IL19: variants seen among roughly 807,000 people sequenced by gnomAD.
The protein encoded by IL19 is interleukin-19.
A neutral mutation model predicts 19.5 loss-of-function variants in IL19; 15 were observed. The observed-to-expected ratio is 0.77, with a 90% CI of 0.52 to 1.19. IL19 has a LOEUF of 1.19. IL19 is among the 50% of genes most tolerant of loss of function. The pLI, the probability that IL19 is intolerant of heterozygous loss-of-function variation, is 0.00. For synonymous variants in IL19, 78 were observed against 78.3 expected (o/e 1.00, Z 0.02); for missense variants, 199 against 213.1 (o/e 0.93, Z 0.41).
intron 2 of IL19, among the ~76,000 whole-genome samples, chr1:206,835,916 G>A (rs1384618721): frequency 1.3e-5 from 2 of 152,256 alleles, no homozygotes; most frequent in African/African-American, 4.8e-5. Flanking sequence ...AAGGGTAAGA[G>A]AATGAGAAGC....
At chr1:206,783,478 C>T (rs569165582) in intron 1 of IL19, among the ~76,000 whole-genome samples, 2 of 152,236 alleles carry the variant, frequency 1.3e-5, no homozygotes, top group African/African-American at 4.8e-5. Flanking sequence ...CCAGCAAGAA[C>T]CTTGAATTCA....
chr1:206,777,644 A>G (rs531908321), intron 1 of IL19, among the ~76,000 whole-genome samples: 2 of 152,322 alleles, frequency 1.3e-5, no homozygotes, highest in South Asian at 4.1e-4. Context: ...GTCAGCCGGC[A>G]GAGAGCAGGC....
At chr1:206,817,973 A>G (rs1676204314) in intron 2 of IL19, among the ~76,000 whole-genome samples, 1 of 152,260 alleles carries the variant, frequency 6.6e-6, no homozygotes, top group East Asian at 1.9e-4. Flanking sequence ...CATGTTGGCC[A>G]GGCTGGTCTC....
chr1:206,830,823 C>T (rs1008024296), intron 2 of IL19, among the ~76,000 whole-genome samples: 3 of 152,190 alleles, frequency 2.0e-5, no homozygotes, highest in Non-Finnish European at 2.9e-5. Context: ...GTGATCCGCC[C>T]GCCTTGGCCT....
rs34133375 is a variant in IL19 at position 206,776,057 on chromosome 1, G to T, written c.-149+4979G>T. On this transcript the variant is annotated intron_variant, in intron 1 of 6. Transcript: ENST00000659997. The stretch of plus-strand genomic sequence containing the variant: ...GGGGGATGTACTGGGAAATCAGAAG[G>T]TTGTGGGAAGGGGAATACCTCTCTT... 1.6e-3 allele frequency among the ~76,000 whole-genome samples: 244 copies of T among 152,306 alleles called. 1 individual carries two copies. The East Asian group carries it at 0.022, about 13-fold the overall frequency.
Position 206,839,849 on chromosome 1 carries a change from G to GA in IL19, c.211-1_211insA (p.Pro71ThrfsTer72). The GA allele has an allele frequency of 6.2e-7, 1 of 1,608,396 alleles. No individual in the cohort carries two copies. Among genetic ancestry groups the GA allele is most frequent in the Non-Finnish European group, 8.5e-7 (1 of 1,176,884 alleles). ...AGTGTTTCCCTAATTTGTGTTTGTA[G>GA]CCCTTAGATGTGTGCTGCGTGACCA... is the stretch of plus-strand genomic sequence containing the variant. On this transcript the variant is annotated frameshift_variant and splice_region_variant. Transcript: ENST00000659997. LOFTEE classifies it high-confidence loss of function.
intron 5 of IL19, chr1:206,840,698 T>C (rs1676983679): frequency 3.3e-6 from 1 of 306,554 alleles, no homozygotes; most frequent in Non-Finnish European, 6.1e-6. Flanking sequence ...ATTTAACAAA[T>C]GTTTGTTGAG....
At chr1:206,789,131 G>T (rs1486177057) in intron 1 of IL19, among the ~76,000 whole-genome samples, 2 of 152,182 alleles carry the variant, frequency 1.3e-5, no homozygotes, top group Admixed American at 1.3e-4. Flanking sequence ...TAGATAGAGA[G>T]GACTGACTGG....
chr1:206,838,630 C>G (rs1375685634), intron 4 of IL19, among the ~76,000 whole-genome samples: 2 of 152,108 alleles, frequency 1.3e-5, no homozygotes, highest in African/African-American at 4.8e-5. Context: ...GAACAGACCC[C>G]CAAATATATG....
At chr1:206,773,663 G>A (rs1674920364) in intron 1 of IL19, among the ~76,000 whole-genome samples, 1 of 151,332 alleles carries the variant, frequency 6.6e-6, no homozygotes, top group Admixed American at 6.6e-5. Context: ...GGGTTGCGGC[G>A]AGGAGTGTTG....
intron 1 of IL19, among the ~76,000 whole-genome samples, chr1:206,777,477 T>G (rs925989593): frequency 1.3e-5 from 2 of 151,452 alleles, no homozygotes; most frequent in African/African-American, 4.9e-5. Context: ...GCCTTCTTGG[T>G]GTAGTTACCC....
chr1:206,774,503 T>C (rs1413681340), intron 1 of IL19, among the ~76,000 whole-genome samples: 4 of 152,178 alleles, frequency 2.6e-5, no homozygotes, highest in Non-Finnish European at 4.4e-5. Context: ...ACCCCCTCTC[T>C]GAGCTGGGTG....
intron 2 of IL19, among the ~76,000 whole-genome samples, chr1:206,799,235 T>C (rs1675614223): frequency 6.6e-6 from 1 of 151,600 alleles, no homozygotes; most frequent in East Asian, 1.9e-4. Flanking sequence ...GAGTGTAGGG[T>C]GGAAAGGCAG....
intron 1 of IL19, among the ~76,000 whole-genome samples, chr1:206,777,471 T>C (rs1400073277): frequency 6.6e-6 from 1 of 151,846 alleles, no homozygotes; most frequent in African/African-American, 2.4e-5. Flanking sequence ...ATGGCAGCCT[T>C]CTTGGTGTAG....
intron 2 of IL19, among the ~76,000 whole-genome samples, chr1:206,810,593 G>A (rs1194521088): frequency 6.6e-6 from 1 of 152,200 alleles, no homozygotes; most frequent in Non-Finnish European, 1.5e-5. Context: ...GATGGTGAAA[G>A]ACACCTCCAT....
Position 206,842,767 on chromosome 1 carries a change from C to T in IL19, c.*145C>T, listed in dbSNP as rs764225544. On this transcript the variant is annotated 3_prime_UTR_variant, in exon 7 of 7. Coordinates refer to ENST00000659997, the MANE Select transcript of IL19 (RefSeq NM_153758.5). ...TGGCTGGCCTCAGGCTGTCTTATTC[C>T]GCTTGAAAATAGCCAAAAAGTCTAC... 8.0e-5 allele frequency: 44 copies of T among 553,434 alleles called. No homozygotes were observed. The highest frequency in any genetic ancestry group is 1.3e-4 in the South Asian group (5 of 38,078). 34.3% of individuals were successfully genotyped at this position (553,434 alleles called of 1,614,324 possible).
rs565242466 is a variant in IL19 at position 206,837,115 on chromosome 1, C to T, written c.210+92C>T. 4.7e-4 allele frequency: 468 copies of T among 1,001,202 alleles called. 12 individuals are homozygous for T. The South Asian group carries it at 6.5e-3, about 14-fold the overall frequency. The allele number at this position is 1,001,202 out of a possible 1,614,324, so 62.0% of individuals were successfully genotyped here. ...AGAAATCCCTACCTTGTCCCCTTCT[C>T]TTTCCTAATCTCCAATGTACTCTAA... On this transcript the variant is annotated intron_variant, in intron 4 of 6. Coordinates refer to ENST00000659997, the MANE Select transcript of IL19 (RefSeq NM_153758.5).
At chr1:206,799,028 G>A in intron 2 of IL19, 22 bp downstream of exon 2, 1 of 1,487,482 alleles carries the variant, frequency 6.7e-7, no homozygotes, top group South Asian at 1.1e-5. Context: ...CTGCTATAGG[G>A]ACCCTGGATG....
chr1:206,802,136 T>C (rs531773087), intron 2 of IL19, among the ~76,000 whole-genome samples: 1 of 152,148 alleles, frequency 6.6e-6, no homozygotes, highest in Non-Finnish European at 1.5e-5. Flanking sequence ...ACTTGATGTA[T>C]TGGCACTGAT....
Sources: gnomAD v4.1 joint callset for allele counts (sites outside exome capture counted in the v4.1 genomes callset) on GRCh38, gnomAD v4.1.1 for gene constraint, MANE v1.5 for transcripts, NCBI Gene and HGNC (gene_info 2026-07-23, HGNC 2026-07-21) for gene names.